Variants in MLLT3 observed in about 807,000 individuals in gnomAD.
MLLT3 encodes the protein MLLT3 super elongation complex subunit.
Under a neutral mutation model 53.2 loss-of-function variants are expected in MLLT3, and 4 were observed. The ratio of observed to expected loss-of-function variants is 0.08; its 90% CI spans 0.04 to 0.17. The LOEUF (loss-of-function observed/expected upper bound fraction) is 0.17, where lower values mean the gene tolerates loss of function less well. MLLT3 is among the 10% of genes least tolerant of loss of function. The pLI, the probability that MLLT3 is intolerant of heterozygous loss-of-function variation, is 1.00. For missense variants in MLLT3, 569 were observed against 684.0 expected, an observed-to-expected ratio of 0.83 and a Z score of 1.87; for synonymous variants, 283 against 230.6, an observed-to-expected ratio of 1.23 and a Z score of -2.06.
intron 4 of MLLT3, among the ~76,000 whole-genome samples, chr9:20,446,658 T>A (rs978537214): frequency 2.6e-5 from 4 of 151,870 alleles, no homozygotes; most frequent in African/African-American, 9.7e-5. Flanking sequence ...ATTAAAAAAA[T>A]GAGATTGATT....
chr9:20,556,083 T>G (rs1819049779), intron 2 of MLLT3, among the ~76,000 whole-genome samples: 1 of 152,198 alleles, frequency 6.6e-6, no homozygotes, highest in African/African-American at 2.4e-5. Flanking sequence ...ATGCCAAATC[T>G]TTTCTCATCT....
chr9:20,421,221 G>A (rs151187478), intron 4 of MLLT3, among the ~76,000 whole-genome samples: 1,680 of 152,014 alleles, frequency 0.011, 27 homozygotes, highest in African/African-American at 0.038. Context: ...CCAAGATTGC[G>A]CCACTGCACT....
Position 20,346,394 on chromosome 9 carries a change from C to CAAAA in MLLT3, c.*48_*49insTTTT. ...AAATCACAACCAAAAAAAAAAAAAA[C>CAAAA]CAAAAAAAAAAAACACAATAGTTCT... On this transcript the variant is annotated 3_prime_UTR_variant, in exon 11 of 11. Coordinates refer to ENST00000380338, the MANE Select transcript of MLLT3 (RefSeq NM_004529.4). The CAAAA allele has an allele frequency of 1.7e-6, 2 of 1,208,548 alleles. No individual in the cohort carries two copies. Among genetic ancestry groups the CAAAA allele is most frequent in the Non-Finnish European group, 2.2e-6 (2 of 924,892 alleles). 74.9% of individuals were successfully genotyped at this position (1,208,548 alleles called of 1,614,324 possible). A position where few individuals can be genotyped will look rare whatever the true frequency, so the allele number is the denominator to read the frequency against.
chr9:20,609,809 T>G (rs909444275), intron 2 of MLLT3, among the ~76,000 whole-genome samples: 5 of 152,122 alleles, frequency 3.3e-5, no homozygotes, highest in African/African-American at 1.2e-4. Flanking sequence ...TTTCACCCAT[T>G]TCACTGTCCA....
intron 2 of MLLT3, among the ~76,000 whole-genome samples, chr9:20,522,868 G>T (rs1818099823): frequency 6.6e-6 from 1 of 152,240 alleles, no homozygotes; most frequent in East Asian, 1.9e-4. Context: ...GGCTGAGATA[G>T]GAGAATCATC....
At chr9:20,419,506 C>T (rs1350077614) in intron 4 of MLLT3, among the ~76,000 whole-genome samples, 2 of 149,158 alleles carry the variant, frequency 1.3e-5, no homozygotes, top group Non-Finnish European at 3.0e-5. Flanking sequence ...ATTACAATCT[C>T]ACAGAGCTCA....
At chr9:20,563,726 C>A (rs1312563320) in intron 2 of MLLT3, among the ~76,000 whole-genome samples, 3 of 152,086 alleles carry the variant, frequency 2.0e-5, no homozygotes, top group African/African-American at 7.2e-5. Context: ...CACAGACAGA[C>A]AGAACAAAGA....
intron 2 of MLLT3, among the ~76,000 whole-genome samples, chr9:20,528,699 T>C (rs1818260388): frequency 6.6e-6 from 1 of 152,214 alleles, no homozygotes; most frequent in Non-Finnish European, 1.5e-5. Flanking sequence ...CTCATTTCAC[T>C]AGGATACTTA....
chr9:20,502,023 G>A (rs1366988962), intron 2 of MLLT3, among the ~76,000 whole-genome samples: 8 of 128,652 alleles, frequency 6.2e-5, no homozygotes, highest in African/African-American at 1.4e-4. Flanking sequence ...GGAGGTTGCA[G>A]TAAGCCAATA....
chr9:20,404,567 T>G (rs986161133), intron 5 of MLLT3, among the ~76,000 whole-genome samples: 6 of 152,170 alleles, frequency 3.9e-5, no homozygotes, highest in Non-Finnish European at 8.8e-5. Flanking sequence ...TGCAGTGATG[T>G]GATCATAGCT....
intron 2 of MLLT3, among the ~76,000 whole-genome samples, chr9:20,607,013 T>C (rs1820587108): frequency 6.6e-6 from 1 of 152,140 alleles, no homozygotes; most frequent in African/African-American, 2.4e-5. Context: ...CCTCTTTCAC[T>C]GCAAAATATG....
intron 5 of MLLT3, among the ~76,000 whole-genome samples, chr9:20,378,097 C>A (rs988709845): frequency 3.3e-5 from 5 of 151,506 alleles, no homozygotes; most frequent in Admixed American, 6.6e-5. Flanking sequence ...AATAACAAGA[C>A]CTCTTTTCAT....
chr9:20,478,782 T>C (rs1824589218), intron 2 of MLLT3, among the ~76,000 whole-genome samples: 1 of 152,062 alleles, frequency 6.6e-6, no homozygotes, highest in South Asian at 2.1e-4. Flanking sequence ...CTTCATAGTC[T>C]AGTTGGATTT....
chr9:20,532,069 C>G (rs1377526532), intron 2 of MLLT3, among the ~76,000 whole-genome samples: 1 of 152,136 alleles, frequency 6.6e-6, no homozygotes, highest in African/African-American at 2.4e-5. Flanking sequence ...GTTTTCACAG[C>G]TATGTTCCAT....
intron 5 of MLLT3, among the ~76,000 whole-genome samples, chr9:20,370,548 T>C (rs1821573029): frequency 1.3e-5 from 2 of 152,046 alleles, no homozygotes; most frequent in East Asian, 1.9e-4. Flanking sequence ...TTCGCTCTTG[T>C]TGCCTAGGCT....
intron 4 of MLLT3, among the ~76,000 whole-genome samples, chr9:20,444,562 CTCTT>C (rs1563968064): frequency 2.0e-5 from 3 of 152,052 alleles, no homozygotes; most frequent in African/African-American, 7.2e-5. Context: ...AACCCCTACC[CTCTT>C]TCTCTTACTT....
intron 9 of MLLT3, among the ~76,000 whole-genome samples, 193 bp from the exon 10 acceptor site, chr9:20,353,789 T>C (rs1821096110): frequency 6.6e-6 from 1 of 152,192 alleles, no homozygotes. Context: ...GTCATTACCT[T>C]TATCACACCA....
intron 5 of MLLT3, chr9:20,382,317 T>C (rs1294903976): frequency 6.6e-6 from 1 of 151,852 alleles, no homozygotes; most frequent in Non-Finnish European, 1.5e-5. Flanking sequence ...TCATAGTAAA[T>C]AAACTTTACA....
At chr9:20,432,028 T>C (rs892835594) in intron 4 of MLLT3, among the ~76,000 whole-genome samples, 1 of 152,132 alleles carries the variant, frequency 6.6e-6, no homozygotes, top group Non-Finnish European at 1.5e-5. Flanking sequence ...GAGAGGCATA[T>C]ACAGATAGTT....
Sources: allele counts gnomAD v4.1 joint callset (sites outside exome capture counted in the v4.1 genomes callset), GRCh38; gene constraint gnomAD v4.1.1; transcripts MANE v1.5; gene names NCBI Gene and HGNC (gene_info 2026-07-23, HGNC 2026-07-21).